The following ZNF277 variants were observed in gnomAD, a reference collection of about 807,000 sequenced individuals.
The protein encoded by ZNF277 is nuclear receptor-interacting factor 4.
ZNF277 carries 55 observed loss-of-function variants against 60.7 expected under a neutral mutation model. The observed-to-expected ratio is 0.91, with a 90% CI of 0.73 to 1.13. The LOEUF (loss-of-function observed/expected upper bound fraction) is 1.13, where lower values mean the gene tolerates loss of function less well. Ranked by LOEUF, ZNF277 falls within the 50% of genes most tolerant of loss-of-function variation. The pLI is 0.00. For missense variants in ZNF277, 510 were observed against 523.0 expected, an observed-to-expected ratio of 0.98 and a Z score of 0.24; for synonymous variants, 178 against 179.3, an observed-to-expected ratio of 0.99 and a Z score of 0.06.
At chr7:112,208,065 T>C (rs1821610780) in intron 1 of ZNF277, among the ~76,000 whole-genome samples, 1 of 152,184 alleles carries the variant, frequency 6.6e-6, no homozygotes. Flanking sequence ...CTGGTGAATT[T>C]ATCTCACAGT....
chr7:112,262,642 A>T (rs1791463369), intron 1 of ZNF277, among the ~76,000 whole-genome samples: 1 of 152,164 alleles, frequency 6.6e-6, no homozygotes, highest in African/African-American at 2.4e-5. Flanking sequence ...TAAACAATAT[A>T]GAGGGCTACA....
chr7:112,266,785 T>C (rs1584360173), intron 1 of ZNF277, among the ~76,000 whole-genome samples: 1 of 152,312 alleles, frequency 6.6e-6, no homozygotes, highest in African/African-American at 2.4e-5. Flanking sequence ...GTGGTTTTTT[T>C]CGGTTTCGAA....
At chr7:112,296,370 A>C in intron 4 of ZNF277, 59 bp downstream of exon 4, 1 of 857,944 alleles carries the variant, frequency 1.2e-6, no homozygotes, top group South Asian at 2.1e-5. Flanking sequence ...ATACATATAA[A>C]ATCATATTGG....
chr7:112,261,453 A>G (rs1791437212), intron 1 of ZNF277, among the ~76,000 whole-genome samples: 1 of 152,116 alleles, frequency 6.6e-6, no homozygotes, highest in Admixed American at 6.6e-5. Flanking sequence ...TTTGTTTTTC[A>G]GATTAAGAAA....
intron 1 of ZNF277, among the ~76,000 whole-genome samples, chr7:112,221,869 G>A (rs1822040283): frequency 6.6e-6 from 1 of 152,172 alleles, no homozygotes; most frequent in Admixed American, 6.5e-5. Context: ...GGCCTTTATT[G>A]TGTTGAGGTA....
At chr7:112,231,640 A>G (rs1189904218) in intron 1 of ZNF277, among the ~76,000 whole-genome samples, 3 of 150,634 alleles carry the variant, frequency 2.0e-5, no homozygotes, top group African/African-American at 4.9e-5. Flanking sequence ...ACTTTTTATT[A>G]TATAGATACT....
chr7:112,231,536 A>G (rs1383041439), intron 1 of ZNF277, among the ~76,000 whole-genome samples: 2 of 151,852 alleles, frequency 1.3e-5, no homozygotes, highest in Admixed American at 6.6e-5. Flanking sequence ...GAAGTCTCTG[A>G]TGAATGCCAT....
At chr7:112,296,420 C>A (rs1584387734) in intron 4 of ZNF277, 109 bp downstream of exon 4, 22 of 529,272 alleles carry the variant, frequency 4.2e-5, no homozygotes, top group Admixed American at 3.9e-5. Flanking sequence ...AACTTTCAAA[C>A]ATATGTAAAA....
chr7:112,269,841 A>G (rs1285344423), intron 1 of ZNF277, among the ~76,000 whole-genome samples: 4 of 152,096 alleles, frequency 2.6e-5, no homozygotes, highest in Non-Finnish European at 5.9e-5. Flanking sequence ...GCCAGTAGAT[A>G]CCTTTGTCTG....
At chr7:112,292,749 C>T (rs1308387943) in intron 2 of ZNF277, among the ~76,000 whole-genome samples, 5 of 152,146 alleles carry the variant, frequency 3.3e-5, no homozygotes, top group African/African-American at 1.2e-4. Flanking sequence ...TAAATGGTAG[C>T]TGCTAATAAT....
intron 8 of ZNF277, among the ~76,000 whole-genome samples, 162 bp from the exon 9 acceptor site, chr7:112,337,568 A>G (rs1584422526): frequency 6.6e-6 from 1 of 152,208 alleles, no homozygotes; most frequent in African/African-American, 2.4e-5. Flanking sequence ...CAAAAGCTAT[A>G]TCAGAGAGTC....
At chr7:112,334,184 T>C (rs2117136438) in intron 7 of ZNF277, among the ~76,000 whole-genome samples, 1 of 152,238 alleles carries the variant, frequency 6.6e-6, no homozygotes, top group African/African-American at 2.4e-5. Context: ...CATGTAAGTG[T>C]GTATGTATTA....
At chr7:112,236,000 A>T (rs760648940) in intron 1 of ZNF277, among the ~76,000 whole-genome samples, 4 of 152,026 alleles carry the variant, frequency 2.6e-5, no homozygotes, top group Non-Finnish European at 5.9e-5. Context: ...ATGGATATCC[A>T]GTTTCAGCAC....
At chr7:112,214,973 A>T (rs1328273823) in intron 1 of ZNF277, among the ~76,000 whole-genome samples, 2 of 152,200 alleles carry the variant, frequency 1.3e-5, no homozygotes, top group Non-Finnish European at 2.9e-5. Context: ...AAAAAAAATG[A>T]TGTTGATATT....
At chr7:112,301,054 T>C (rs1792460025) in intron 4 of ZNF277, among the ~76,000 whole-genome samples, 1 of 152,158 alleles carries the variant, frequency 6.6e-6, no homozygotes, top group East Asian at 1.9e-4. Flanking sequence ...TAACTGATTA[T>C]CTGTTAATAT....
intron 1 of ZNF277, among the ~76,000 whole-genome samples, chr7:112,214,259 A>G (rs1468293685): frequency 6.6e-6 from 1 of 152,262 alleles, no homozygotes; most frequent in African/African-American, 2.4e-5. Context: ...AATATAAATC[A>G]CGAGTATATA....
chr7:112,212,320 G>A (rs556310371), intron 1 of ZNF277, among the ~76,000 whole-genome samples: 1 of 152,156 alleles, frequency 6.6e-6, no homozygotes, highest in Admixed American at 6.5e-5. Flanking sequence ...AAACCATTAA[G>A]TCCAGTCTCA....
In ZNF277 at chr7:112,327,745, G is replaced by A; in HGVS notation, c.586G>A (p.Glu196Lys). The A allele has an allele frequency of 6.2e-7, 1 of 1,612,392 alleles. No individual in the cohort carries two copies. The highest frequency in any genetic ancestry group is 2.2e-5 in the East Asian group (1 of 44,790). Residue 196 changes from glutamate to lysine, a missense_variant, in exon 6 of 12, where the codon GAA becomes AAA. By Grantham distance (56) the Glu-to-Lys change is moderately conservative. Transcript: ENST00000361822. The stretch of plus-strand genomic sequence containing the variant: ...TGTTATTTTGAACCACATGGCCAGA[G>A]AACATGCTTTCAACATTGGATTGCC... ...RSVILNHMAR[E>K]HAFNIGLPDN...
chr7:112,328,862 C>T (rs531415102), intron 6 of ZNF277, among the ~76,000 whole-genome samples: 1 of 152,142 alleles, frequency 6.6e-6, no homozygotes, highest in South Asian at 2.1e-4. Context: ...AAGAGCAAAA[C>T]TCTGTCTCAA....
Sources: allele counts gnomAD v4.1 joint callset (sites outside exome capture counted in the v4.1 genomes callset), GRCh38; gene constraint gnomAD v4.1.1; transcripts MANE v1.5; gene names NCBI Gene and HGNC (gene_info 2026-07-23, HGNC 2026-07-21).